Variants in KCNMA1 observed in about 807,000 individuals in gnomAD.
KCNMA1 encodes the protein potassium calcium-activated channel subfamily M alpha 1, also known as Calcium-activated potassium channel subunit alpha-1.
A neutral mutation model predicts 140.0 loss-of-function variants in KCNMA1; 29 were observed. The observed-to-expected ratio is 0.21, with a 90% CI of 0.15 to 0.28. The LOEUF (loss-of-function observed/expected upper bound fraction) is 0.28, where lower values mean the gene tolerates loss of function less well. Among genes scored for constraint, KCNMA1 ranks in the 10% least tolerant of loss-of-function variants. KCNMA1 has a pLI of 1.00. For synonymous variants in KCNMA1, 612 were observed against 611.9 expected (o/e 1.00, Z 0.00); for missense variants, 880 against 1,602.2 (o/e 0.55, Z 7.70).
chr10:77,609,473 A>G (rs919264339), intron 1 of KCNMA1, among the ~76,000 whole-genome samples: 1 of 152,238 alleles, frequency 6.6e-6, no homozygotes, highest in Non-Finnish European at 1.5e-5. Context: ...AAAGAGTACA[A>G]ACTTTCAGTT....
intron 2 of KCNMA1, among the ~76,000 whole-genome samples, chr10:77,372,377 A>C (rs2094799012): frequency 6.6e-6 from 1 of 152,184 alleles, no homozygotes; most frequent in Non-Finnish European, 1.5e-5. Context: ...AAAGTGCCTT[A>C]CTTTTTAGTC....
chr10:77,506,840 AGT>A (rs67309788), intron 1 of KCNMA1, among the ~76,000 whole-genome samples: 8,199 of 120,050 alleles, frequency 0.068, 541 homozygotes, highest in African/African-American at 0.11. Context: ...AGAGAGAGAG[AGT>A]GTGTGTGTGT....
chr10:77,583,087 G>C (rs2076313861), intron 1 of KCNMA1, among the ~76,000 whole-genome samples: 1 of 152,236 alleles, frequency 6.6e-6, no homozygotes, highest in South Asian at 2.1e-4. Flanking sequence ...GGATTATCAT[G>C]GTACCTCTGT....
chr10:77,315,004 T>C (rs1602217641), intron 2 of KCNMA1, among the ~76,000 whole-genome samples: 1 of 152,026 alleles, frequency 6.6e-6, no homozygotes, highest in East Asian at 1.9e-4. Context: ...TAATGGGATG[T>C]ACTATGATGT....
At chr10:77,525,561 T>C (rs2055272016) in intron 1 of KCNMA1, among the ~76,000 whole-genome samples, 1 of 152,240 alleles carries the variant, frequency 6.6e-6, no homozygotes, top group Non-Finnish European at 1.5e-5. Flanking sequence ...AACGGCCCAC[T>C]GGCCCCACAC....
At chr10:77,587,926 A>T (rs1449125745) in intron 1 of KCNMA1, 3 of 906,690 alleles carry the variant, frequency 3.3e-6, no homozygotes, top group Non-Finnish European at 4.0e-6. Context: ...GTTTATTTGG[A>T]GACATAAGCA....
In KCNMA1 at chr10:77,056,398, C is replaced by A. The variant is rs768518588; in HGVS notation, c.1749+16699G>T. On this transcript the variant is annotated intron_variant, in intron 14 of 27. Transcript: ENST00000286628. ...CCATCTCAAATAATAATAATAATAA[C>A]AATAATAATAATAAAGTAAAATAAA... is the stretch of plus-strand genomic sequence containing the variant. Among the ~76,000 whole-genome samples the A allele has an allele frequency of 6.3e-4, 96 of 151,394 alleles. 2 individuals carry two copies. The highest frequency in any genetic ancestry group is 1.6e-4 in the Non-Finnish European group (11 of 67,858).
chr10:76,997,726 T>C (rs1051194875), intron 19 of KCNMA1, among the ~76,000 whole-genome samples: 4 of 152,216 alleles, frequency 2.6e-5, no homozygotes, highest in African/African-American at 9.6e-5. Flanking sequence ...TGTATGTTGC[T>C]AGACATTCAT....
In KCNMA1 at chr10:77,001,412, C is replaced by T. The variant is rs145788902; in HGVS notation, c.2261G>A (p.Arg754His). The change falls in exon 19 of 28, where the codon CGT (arginine) becomes CAT (histidine). Residue 754 changes from arginine (R) to histidine (H), a missense_variant. Arg to His is a conservative substitution (Grantham distance 29). This residue lies in a region of KCNMA1 where 196 missense variants were observed against 233.0 expected (regional missense o/e 0.84). Coordinates refer to ENST00000286628, the MANE Select transcript of KCNMA1 (RefSeq NM_001161352.2). ...TGTGTTGAGGTTAAACTTACAGGCA[C>T]GGAAACTGGTGGAGCAATCATTAAC... ...VSVNDCSTSFRAFEDEQPSTL... is the reference protein window; with the variant it reads ...VSVNDCSTSFHAFEDEQPSTL... The T allele has an allele frequency of 4.9e-5, 76 of 1,551,546 alleles. No individual in the cohort carries two copies. The highest frequency in any genetic ancestry group is 4.1e-4 in the African/African-American group (30 of 73,144).
intron 20 of KCNMA1, among the ~76,000 whole-genome samples, chr10:76,967,260 C>A (rs919360611): frequency 6.6e-6 from 1 of 152,106 alleles, no homozygotes; most frequent in African/African-American, 2.4e-5. Flanking sequence ...AAACTCATGT[C>A]GAAAAATCCA....
rs190600743 is a variant in KCNMA1, at chr10:76,904,929, G to A, written c.3147+5037C>T. On this transcript the variant is annotated intron_variant, in intron 25 of 27. Coordinates refer to ENST00000286628, the MANE Select transcript of KCNMA1 (RefSeq NM_001161352.2). ...GCAGGGAAGGGACATGAATGAAGCA[G>A]GCCTGGTGGGATACAATAGAGAGTA... 2.0e-5 allele frequency: 3 copies of A among 152,570 alleles called. No homozygotes were observed. In the East Asian group the frequency reaches 5.8e-4, roughly 30 times the overall value. The allele number at this position is 152,570 out of a possible 1,614,324, so 9.5% of individuals were successfully genotyped here.
intron 2 of KCNMA1, among the ~76,000 whole-genome samples, chr10:77,357,352 C>G (rs1029054718): frequency 6.6e-6 from 1 of 152,204 alleles, no homozygotes; most frequent in African/African-American, 2.4e-5. Context: ...GACCCTGGGA[C>G]AGTCATTCTG....
intron 1 of KCNMA1, among the ~76,000 whole-genome samples, chr10:77,521,351 A>G (rs2053318500): frequency 6.6e-6 from 1 of 152,168 alleles, no homozygotes; most frequent in African/African-American, 2.4e-5. Flanking sequence ...CCACCCCTAC[A>G]TTCTCACTCT....
intron 2 of KCNMA1, among the ~76,000 whole-genome samples, chr10:77,339,529 C>T (rs1328791544): frequency 1.3e-5 from 2 of 152,168 alleles, no homozygotes; most frequent in East Asian, 1.9e-4. Flanking sequence ...CCTGCCTCAC[C>T]CCACCTCCCC....
At chr10:77,218,200 A>G (rs991300009) in intron 3 of KCNMA1, among the ~76,000 whole-genome samples, 6 of 151,820 alleles carry the variant, frequency 4.0e-5, no homozygotes, top group African/African-American at 1.5e-4. Context: ...TTTCCAAATG[A>G]CTCCCATGGC....
At chr10:77,010,868 C>A (rs1466389955) in intron 18 of KCNMA1, among the ~76,000 whole-genome samples, 1 of 151,878 alleles carries the variant, frequency 6.6e-6, no homozygotes, top group Non-Finnish European at 1.5e-5. Context: ...ACTCATCAGA[C>A]CCAAGACTGC....
At chr10:77,231,207 T>C (rs542240905) in intron 3 of KCNMA1, among the ~76,000 whole-genome samples, 1 of 152,330 alleles carries the variant, frequency 6.6e-6, no homozygotes, top group East Asian at 1.9e-4. Flanking sequence ...GTGATGGACA[T>C]GTCGAAGATA....
intron 2 of KCNMA1, among the ~76,000 whole-genome samples, chr10:77,254,844 G>A (rs1264659338): frequency 6.6e-6 from 1 of 152,166 alleles, no homozygotes; most frequent in Non-Finnish European, 1.5e-5. Context: ...GGTAAAATGA[G>A]GCCAAGGAAA....
intron 19 of KCNMA1, among the ~76,000 whole-genome samples, chr10:76,977,094 A>C (rs78893973): frequency 6.6e-6 from 1 of 152,076 alleles, no homozygotes; most frequent in Non-Finnish European, 1.5e-5. Flanking sequence ...TACTCCTGAC[A>C]CCAAAAGCCA....
Sources: gnomAD v4.1 joint callset for allele counts (sites outside exome capture counted in the v4.1 genomes callset) on GRCh38, gnomAD v4.1.1 for gene constraint, gnomAD v4.1.1 regional missense constraint, MANE v1.5 for transcripts, NCBI Gene and HGNC (gene_info 2026-07-23, HGNC 2026-07-21) for gene names.